Variants in RANBP17 observed in about 807,000 individuals in gnomAD.
RANBP17 encodes RAN binding protein 17.
Under a neutral mutation model 141.2 loss-of-function variants are expected in RANBP17, and 158 were observed. That is an observed-to-expected ratio of 1.12 (90% CI 0.98 to 1.28). The LOEUF (loss-of-function observed/expected upper bound fraction) is 1.28, where lower values mean the gene tolerates loss of function less well. Ranked by LOEUF, RANBP17 falls within the 50% of genes most tolerant of loss-of-function variation. The pLI is 0.00. For missense variants in RANBP17, 1,438 were observed against 1,290.7 expected (o/e 1.11, Z -1.75); for synonymous variants, 430 against 450.0 (o/e 0.96, Z 0.56).
rs547206494 is a variant in RANBP17 at position 171,162,600 on chromosome 5, A to G, written c.1711-7530A>G. On this transcript the variant is annotated intron_variant, in intron 14 of 27. Coordinates refer to ENST00000523189, the MANE Select transcript of RANBP17 (RefSeq NM_022897.5). ...ATTATACCTGTACTCTTTCTAATAAATTATTGTTTAGAAACTGACTCAGAA... is the reference window on the plus strand; with the variant it reads ...ATTATACCTGTACTCTTTCTAATAAGTTATTGTTTAGAAACTGACTCAGAA... Among the ~76,000 whole-genome samples the G allele has an allele frequency of 2.0e-5, 3 of 152,170 alleles. No individual in the cohort carries two copies. The East Asian group carries it at 5.8e-4, about 29-fold the overall frequency.
intron 14 of RANBP17, among the ~76,000 whole-genome samples, chr5:171,057,497 A>G (rs1322303646): frequency 1.3e-5 from 2 of 152,054 alleles, no homozygotes; most frequent in South Asian, 4.1e-4. Flanking sequence ...ATTCTGTCTT[A>G]TAGCTTCATA....
chr5:170,911,555 C>G, intron 7 of RANBP17: 1 of 729,126 alleles, frequency 1.4e-6, no homozygotes, highest in Admixed American at 1.8e-5. Flanking sequence ...TGGTCCTTAA[C>G]TGCCTTAACT....
At chr5:170,894,925 C>T (rs1414099656) in intron 4 of RANBP17, among the ~76,000 whole-genome samples, 2 of 152,150 alleles carry the variant, frequency 1.3e-5, no homozygotes, top group Non-Finnish European at 2.9e-5. Flanking sequence ...GTTTTATAAT[C>T]TGTTACATGC....
At chr5:170,891,461 T>C (rs947731317) in intron 3 of RANBP17, among the ~76,000 whole-genome samples, 3 of 152,204 alleles carry the variant, frequency 2.0e-5, no homozygotes, top group Non-Finnish European at 4.4e-5. Context: ...TATATGCGTT[T>C]TGTTCAGTTG....
intron 14 of RANBP17, among the ~76,000 whole-genome samples, chr5:171,012,394 C>T (rs1780120150): frequency 6.6e-6 from 1 of 152,030 alleles, no homozygotes; most frequent in Non-Finnish European, 1.5e-5. Context: ...AATTCTATAG[C>T]TGTTTTTGAA....
intron 3 of RANBP17, among the ~76,000 whole-genome samples, chr5:170,882,274 G>T (rs960007275): frequency 1.3e-5 from 2 of 152,028 alleles, no homozygotes; most frequent in Non-Finnish European, 2.9e-5. Context: ...TAGAGACAGG[G>T]TTTCACCATG....
chr5:171,183,473 T>C, intron 18 of RANBP17, 43 bp downstream of exon 18: 1 of 1,306,308 alleles, frequency 7.7e-7, no homozygotes, highest in Non-Finnish European at 1.1e-6. Context: ...GGATCAGCAA[T>C]ACACTTGTGT....
At chr5:171,202,166 C>G (rs1482324744) in intron 19 of RANBP17, among the ~76,000 whole-genome samples, 2 of 152,138 alleles carry the variant, frequency 1.3e-5, no homozygotes, top group Non-Finnish European at 2.9e-5. Flanking sequence ...GCTTTATTTT[C>G]TTACTTATTC....
Position 171,299,487 on chromosome 5 carries a change from G to A in RANBP17, c.*629G>A. On this transcript the variant is annotated 3_prime_UTR_variant, in exon 28 of 28. Coordinates refer to ENST00000523189, the MANE Select transcript of RANBP17 (RefSeq NM_022897.5). The stretch of plus-strand genomic sequence containing the variant: ...GTTTGCTTTTCACTGGCATAAATCT[G>A]AAGTGGTTCAGTCTAGAAGAATTAA... The A allele has an allele frequency of 4.3e-6, 1 of 231,778 alleles. No individual in the cohort carries two copies. Among genetic ancestry groups the A allele is most frequent in the African/African-American group, 2.2e-5 (1 of 45,386 alleles). 14.4% of individuals were successfully genotyped at this position (231,778 alleles called of 1,614,324 possible).
chr5:171,037,438 T>A (rs1379450674), intron 14 of RANBP17, among the ~76,000 whole-genome samples: 1 of 152,186 alleles, frequency 6.6e-6, no homozygotes, highest in Non-Finnish European at 1.5e-5. Flanking sequence ...AGCTCTATAG[T>A]TTCATTAGGT....
intron 14 of RANBP17, among the ~76,000 whole-genome samples, chr5:171,020,099 C>T (rs752561859): frequency 3.9e-5 from 6 of 152,096 alleles, no homozygotes; most frequent in East Asian, 1.9e-4. Flanking sequence ...ATTTCATAAT[C>T]CTGAATTCTA....
chr5:171,067,191 G>C (rs1336887200), intron 14 of RANBP17, among the ~76,000 whole-genome samples: 3 of 151,790 alleles, frequency 2.0e-5, no homozygotes, highest in Non-Finnish European at 2.9e-5. Flanking sequence ...TTTTCTTAGT[G>C]GTGTCCATGG....
At chr5:171,035,743 T>G (rs796134921) in intron 14 of RANBP17, among the ~76,000 whole-genome samples, 36 of 144,164 alleles carry the variant, frequency 2.5e-4, no homozygotes, top group East Asian at 1.9e-4. Flanking sequence ...TTTTGTTTTT[T>G]TTTTTTTTTT....
At chr5:171,186,559 C>CAT (rs1561743926) in intron 18 of RANBP17, among the ~76,000 whole-genome samples, 98 of 18,926 alleles carry the variant, frequency 5.2e-3, no homozygotes, top group South Asian at 0.049. Flanking sequence ...TTTTTTGAGA[C>CAT]GGAGTCTCGC....
At position 170,875,993 on chromosome 5, in the gene RANBP17, G is replaced by T. The variant is rs1443599358; in HGVS notation, c.19-2104G>T. On this transcript the variant is annotated intron_variant, in intron 1 of 27. Transcript: ENST00000523189. ...TGTTTGTTTTTCTTTCAATAGTCAG[G>T]TCCCTCTTCTGTGGGGCTGCTGTGG... Among the ~76,000 whole-genome samples, 3 of 152,122 alleles carry T rather than the reference G, an allele frequency of 2.0e-5. No individual in the cohort carries two copies. In the East Asian group the frequency reaches 5.8e-4, roughly 29 times the overall value.
At chr5:170,897,372 A>C in intron 5 of RANBP17, 1 of 460,572 alleles carries the variant, frequency 2.2e-6, no homozygotes. Context: ...TTTTTTTTTT[A>C]AATATTCCAT....
intron 14 of RANBP17, among the ~76,000 whole-genome samples, chr5:171,138,995 C>T (rs1238774088): frequency 1.3e-5 from 2 of 151,962 alleles, no homozygotes. Context: ...GAGAATCACT[C>T]GAGCCCAAGA....
intron 14 of RANBP17, chr5:170,983,009 AAG>A: frequency 2.3e-6 from 1 of 428,804 alleles, no homozygotes; most frequent in Non-Finnish European, 4.4e-6. Context: ...AAATAGAATA[AAG>A]ACCTTTTCAC....
intron 1 of RANBP17, among the ~76,000 whole-genome samples, chr5:170,870,295 C>T (rs1045079348): frequency 2.0e-5 from 3 of 152,140 alleles, no homozygotes; most frequent in South Asian, 2.1e-4. Context: ...GGTGGTTTGC[C>T]GCACCTGTTG....
Sources: allele counts gnomAD v4.1 joint callset (sites outside exome capture counted in the v4.1 genomes callset), GRCh38; gene constraint gnomAD v4.1.1; transcripts MANE v1.5; gene names NCBI Gene and HGNC (gene_info 2026-07-23, HGNC 2026-07-21).